Variants in TRAF4 observed in about 807,000 individuals in gnomAD.
TRAF4 encodes TNF receptor-associated factor 4.
TRAF4 carries 9 observed loss-of-function variants against 47.3 expected under a neutral mutation model. The observed-to-expected ratio is 0.19, with a 90% CI of 0.11 to 0.33. The LOEUF is 0.33. Ranked by LOEUF, TRAF4 falls within the 10% of genes least tolerant of loss-of-function variation. TRAF4 has a pLI of 1.00. For missense variants in TRAF4, 448 were observed against 620.3 expected (o/e 0.72, Z 2.95); for synonymous variants, 236 against 236.9 (o/e 1.00, Z 0.04).
Position 28,749,765 on chromosome 17 carries a change from G to T in TRAF4, c.*188G>T. On this transcript the variant is annotated 3_prime_UTR_variant, in exon 7 of 7. Transcript: ENST00000262395. ...GTGCTTCAGCCCTGGCCCCTGTGGG[G>T]AACAGGTCTTGGGGTCATGAAGGGC... The T allele has an allele frequency of 1.0e-6, 1 of 990,574 alleles. No homozygotes were observed. Among genetic ancestry groups the T allele is most frequent in the South Asian group, 1.4e-5 (1 of 73,014 alleles). 61.4% of individuals were successfully genotyped at this position (990,574 alleles called of 1,614,324 possible). A position where few individuals can be genotyped will look rare whatever the true frequency, so the allele number is the denominator to read the frequency against.
chr17:28,749,062 GAGGAGCTATC>G lies in TRAF4; in HGVS notation c.901_910del (p.Glu301TrpfsTer181). On this transcript the variant is annotated frameshift_variant, in exon 7 of 7. Transcript: ENST00000262395. LOFTEE classifies it high-confidence loss of function. ...GCTGCAGGAGCTTCGGCGAGAGCTGGAGGAGCTATCAGTGGGCAGTGATGGCGTGCTCATC... is the reference window on the plus strand; with the variant it reads ...GCTGCAGGAGCTTCGGCGAGAGCTGGAGTGGGCAGTGATGGCGTGCTCATC... 6.2e-7 allele frequency: 1 copy of G among 1,614,006 alleles called. No homozygotes were observed. Among genetic ancestry groups the G allele is most frequent in the Non-Finnish European group, 8.5e-7 (1 of 1,180,056 alleles).
rs1369850338 is a variant in TRAF4, at chr17:28,747,531, A to G, written c.195+267A>G. The G allele has an allele frequency of 5.2e-6, 3 of 580,078 alleles. No individual in the cohort carries two copies. In the East Asian group the frequency reaches 8.5e-5, roughly 16 times the overall value. 35.9% of individuals were successfully genotyped at this position (580,078 alleles called of 1,614,324 possible). The stretch of plus-strand genomic sequence containing the variant: ...AGTGTTCCCTCCCCTTCCGGTGGCA[A>G]GCCAGACCTGTGGCTGAGGGCCAGT... On this transcript the variant is annotated intron_variant, in intron 2 of 6. Transcript: ENST00000262395.
chr17:28,747,685 C>A, intron 2 of TRAF4, 158 bp from the exon 3 acceptor site: 1 of 669,382 alleles, frequency 1.5e-6, no homozygotes, highest in Non-Finnish European at 2.5e-6. Flanking sequence ...GCAGATGCTG[C>A]CTGCTGTGCC....
In TRAF4 at chr17:28,749,277, T is replaced by G. The variant is rs1451297516; in HGVS notation, c.1113T>G (p.Pro371=). The G allele has an allele frequency of 6.2e-7, 1 of 1,614,030 alleles. No homozygotes were observed. The highest frequency in any genetic ancestry group is 1.3e-5 in the African/African-American group (1 of 74,956). The change falls in exon 7 of 7, where the codon CCT becomes CCG. Residue 371 remains proline (P), a synonymous_variant. Transcript: ENST00000262395. ...TCTCACTGTACATTCGTGTGCTGCC[T>G]GGTGCCTTTGACAATCTCCTTGAGT... ...THLSLYIRVL[P]GAFDNLLEWP...
At position 28,750,489 on chromosome 17, in the gene TRAF4, T is replaced by A. The variant is rs184735335; in HGVS notation, c.*912T>A. ...AATACTTTTTAGCACAGTAACTGGC[T>A]TTGTGGGCTCTAGAGAAGAGTTAAT... On this transcript the variant is annotated 3_prime_UTR_variant, in exon 7 of 7. Coordinates refer to ENST00000262395, the MANE Select transcript of TRAF4 (RefSeq NM_004295.4). 1.3e-5 allele frequency: 2 copies of A among 152,516 alleles called. No homozygotes were observed. Among genetic ancestry groups the A allele is most frequent in the African/African-American group, 2.4e-5 (1 of 41,566 alleles). The allele number at this position is 152,516 out of a possible 1,614,324, so 9.4% of individuals were successfully genotyped here.
At chr17:28,746,508 C>T (rs1018482886) in intron 1 of TRAF4, among the ~76,000 whole-genome samples, 1 of 152,236 alleles carries the variant, frequency 6.6e-6, no homozygotes, top group Non-Finnish European at 1.5e-5. Context: ...CCCAGCTTCT[C>T]TTCCTTGTGT....
At position 28,749,696 on chromosome 17, in the gene TRAF4, C is replaced by G; in HGVS notation, c.*119C>G. The G allele has an allele frequency of 3.3e-6, 5 of 1,504,106 alleles. No homozygotes were observed. The highest frequency in any genetic ancestry group is 4.5e-6 in the Non-Finnish European group (5 of 1,112,832). The allele number at this position is 1,504,106 out of a possible 1,614,324, so 93.2% of individuals were successfully genotyped here. A position where few individuals can be genotyped will look rare whatever the true frequency, so the allele number is the denominator to read the frequency against. The stretch of plus-strand genomic sequence containing the variant: ...CTTCTGCTGCCTAGGTTCTGTTACC[C>G]CATCCTCCCTCCCCCAGCCACCACC... On this transcript the variant is annotated 3_prime_UTR_variant, in exon 7 of 7. Coordinates refer to ENST00000262395, the MANE Select transcript of TRAF4 (RefSeq NM_004295.4).
At position 28,748,925 on chromosome 17, in the gene TRAF4, G is replaced by GC. The variant is rs752215323; in HGVS notation, c.781-18dup. ...GATAACTCTCCTCCCTTCCCCCATG[G>GC]CCTGGGGCTTTGCCAACAGTGCCCT... is the stretch of plus-strand genomic sequence containing the variant. On this transcript the variant is annotated intron_variant, in intron 6 of 6. Transcript: ENST00000262395. The GC allele has an allele frequency of 7.5e-6, 12 of 1,596,872 alleles. No individual in the cohort carries two copies. Among genetic ancestry groups the GC allele is most frequent in the East Asian group, 4.5e-5 (2 of 44,778 alleles).
At position 28,748,544 on chromosome 17, in the gene TRAF4, G is replaced by T; in HGVS notation, c.658G>T (p.Ala220Ser). The change falls in exon 6 of 7, where the codon GCC becomes TCC. Residue 220 changes from alanine to serine, a missense_variant. Coordinates refer to ENST00000262395, the MANE Select transcript of TRAF4 (RefSeq NM_004295.4). ...GTACCAGTGCCCAAGGCTGCCTGTTGCCTGCCCCAACCAATGTGGTGTGGG... is the reference window on the plus strand; with the variant it reads ...GTACCAGTGCCCAAGGCTGCCTGTTTCCTGCCCCAACCAATGTGGTGTGGG... ...HQYQCPRLPV[A>S]CPNQCGVGTV... 1 of 1,613,510 alleles carries T rather than the reference G, an allele frequency of 6.2e-7. No individual in the cohort carries two copies.
In TRAF4 at chr17:28,749,263, A is replaced by G; in HGVS notation, c.1099A>G (p.Ile367Val). The change falls in exon 7 of 7, where the codon ATT becomes GTT. Residue 367 changes from isoleucine to valine, a missense_variant. By Grantham distance (29) the Ile-to-Val change is conservative (BLOSUM62 3). Coordinates refer to ENST00000262395, the MANE Select transcript of TRAF4 (RefSeq NM_004295.4). ...SGEGTHLSLY[I>V]RVLPGAFDNL... Reference sequence around the variant, plus strand: ...TGAGGGCACACACCTCTCACTGTACATTCGTGTGCTGCCTGGTGCCTTTGA... The same window carrying G: ...TGAGGGCACACACCTCTCACTGTACGTTCGTGTGCTGCCTGGTGCCTTTGA... 1 of 1,614,126 alleles carries G rather than the reference A, an allele frequency of 6.2e-7. No homozygotes were observed. Among genetic ancestry groups the G allele is most frequent in the Non-Finnish European group, 8.5e-7 (1 of 1,180,040 alleles).
chr17:28,747,470 T>C, intron 2 of TRAF4: 1 of 638,898 alleles, frequency 1.6e-6, no homozygotes, highest in Non-Finnish European at 2.6e-6. Context: ...ATGCCCAGCC[T>C]GTAGGGGTGC....
At chr17:28,747,387 C>A in intron 2 of TRAF4, 123 bp downstream of exon 2, 1 of 1,207,332 alleles carries the variant, frequency 8.3e-7, no homozygotes. Flanking sequence ...TGCGCCTCCA[C>A]AAAGGTAGCC....
intron 6 of TRAF4, 54 bp from the exon 7 acceptor site, chr17:28,748,891 C>T: frequency 3.2e-6 from 5 of 1,558,308 alleles, no homozygotes; most frequent in Non-Finnish European, 4.3e-6. Flanking sequence ...CCCTGGACCT[C>T]CCCCTACTGA....
At chr17:28,747,387 C>T in intron 2 of TRAF4, 123 bp downstream of exon 2, 1 of 1,207,332 alleles carries the variant, frequency 8.3e-7, no homozygotes, top group Middle Eastern at 2.0e-4. Flanking sequence ...TGCGCCTCCA[C>T]AAAGGTAGCC....
intron 1 of TRAF4, among the ~76,000 whole-genome samples, chr17:28,746,448 C>A (rs2034514306): frequency 6.6e-6 from 1 of 152,244 alleles, no homozygotes; most frequent in African/African-American, 2.4e-5. Context: ...CAGAAGCCCA[C>A]TGAGCAGTGC....
At position 28,749,437 on chromosome 17, in the gene TRAF4, G is replaced by A. The variant is rs2034568464; in HGVS notation, c.1273G>A (p.Gly425Ser). ...TTTCCAGAAGCCAGGCACGTGGCGG[G>A]GCTCCCTGGATGAGAGTTCTCTGGG... ...KNFQKPGTWR[G>S]SLDESSLGFG... Residue 425 changes from glycine (G) to serine (S), a missense_variant, in exon 7 of 7, where the codon GGC becomes AGC. Transcript: ENST00000262395. 3.3e-5 allele frequency: 54 copies of A among 1,614,012 alleles called. No individual in the cohort carries two copies. The highest frequency in any genetic ancestry group is 4.3e-5 in the Non-Finnish European group (51 of 1,180,036).
In TRAF4 at chr17:28,748,417, C is replaced by A. The variant is rs754712339; in HGVS notation, c.618C>A (p.Thr206=). 1 of 1,605,322 alleles carries A rather than the reference C, an allele frequency of 6.2e-7. No homozygotes were observed. Among genetic ancestry groups the A allele is most frequent in the South Asian group, 1.1e-5 (1 of 90,792 alleles). The change falls in exon 5 of 7, where the codon ACC becomes ACA. Residue 206 remains threonine (T), a synonymous_variant. Coordinates refer to ENST00000262395, the MANE Select transcript of TRAF4 (RefSeq NM_004295.4). ...GCACTAAGGAGTTCGTCTTTGACACCATCCAGGTGAGGCCTTCCCTGAACT... is the reference window on the plus strand; with the variant it reads ...GCACTAAGGAGTTCGTCTTTGACACAATCCAGGTGAGGCCTTCCCTGAACT... ...TYCTKEFVFD[T]IQSHQYQCPR...
At chr17:28,748,901 A>G (rs775387884) in intron 6 of TRAF4, 44 bp from the exon 7 acceptor site, 11 of 1,570,560 alleles carry the variant, frequency 7.0e-6, no homozygotes, top group Non-Finnish European at 9.5e-6. Context: ...CCCCCTACTG[A>G]TAACTCTCCT....
In TRAF4 at chr17:28,748,622, G is replaced by A. The variant is rs770312939; in HGVS notation, c.736G>A (p.Ala246Thr). 7 of 1,612,868 alleles carry A rather than the reference G, an allele frequency of 4.3e-6. No homozygotes were observed. The Admixed American group carries it at 8.3e-5, about 19-fold the overall frequency. The change falls in exon 6 of 7, where the codon GCC becomes ACC. Residue 246 changes from alanine (A) to threonine (T), a missense_variant. Coordinates refer to ENST00000262395, the MANE Select transcript of TRAF4 (RefSeq NM_004295.4). Reference sequence around the variant, plus strand: ...CCATCTGAAGGACAGCTGTAACACCGCCCTGGTGCTCTGCCCATTCAAAGA... The same window carrying A: ...CCATCTGAAGGACAGCTGTAACACCACCCTGGTGCTCTGCCCATTCAAAGA... ...PGHLKDSCNT[A>T]LVLCPFKDSG...
Sources: allele counts gnomAD v4.1 joint callset (sites outside exome capture counted in the v4.1 genomes callset), GRCh38; gene constraint gnomAD v4.1.1; transcripts MANE v1.5; gene names NCBI Gene and HGNC (gene_info 2026-07-23, HGNC 2026-07-21).